Variants in SPTBN1 observed in about 807,000 individuals in gnomAD.
SPTBN1 encodes the protein spectrin beta, non-erythrocytic 1, also known as spectrin beta chain, non-erythrocytic 1.
In SPTBN1, 32 loss-of-function variants were observed where a neutral mutation model predicts 266.4. The observed-to-expected ratio is 0.12, with a 90% CI of 0.09 to 0.16. The LOEUF is 0.16. Ranked by LOEUF, SPTBN1 falls within the 10% of genes least tolerant of loss-of-function variation. SPTBN1 has a pLI of 1.00. For synonymous variants in SPTBN1, 1,336 were observed against 1,162.2 expected, an observed-to-expected ratio of 1.15 and a Z score of -3.04; for missense variants, 2,296 against 3,067.1, an observed-to-expected ratio of 0.75 and a Z score of 5.94.
intron 2 of SPTBN1, among the ~76,000 whole-genome samples, chr2:54,553,255 G>T (rs1351364161): frequency 6.6e-6 from 1 of 152,176 alleles, no homozygotes; most frequent in Non-Finnish European, 1.5e-5. Context: ...GGGAGTGGGA[G>T]GCTCTTTGGG....
intron 1 of SPTBN1, among the ~76,000 whole-genome samples, chr2:54,517,444 TAATC>T (rs1670171170): frequency 6.6e-6 from 1 of 150,452 alleles, no homozygotes; most frequent in Non-Finnish European, 1.5e-5. Flanking sequence ...GAAAATCTGA[TAATC>T]ATAGTGGGAA....
chr2:54,459,401 C>T (rs1427786552), intron 1 of SPTBN1, among the ~76,000 whole-genome samples: 1 of 152,176 alleles, frequency 6.6e-6, no homozygotes. Context: ...GCAGAGTTTC[C>T]TGGAAGGGTT....
rs67239523 is a variant in SPTBN1, at chr2:54,571,576, TACAC to T, written c.149-27494_149-27491del. Among the ~76,000 whole-genome samples, 499 of 100,528 alleles carry T rather than the reference TACAC, an allele frequency of 5.0e-3. 1 individual carries two copies. Among genetic ancestry groups the T allele is most frequent in the South Asian group, 6.7e-3 (24 of 3,582 alleles). The allele number at this position is 100,528 out of a possible 152,430, so 66.0% of individuals were successfully genotyped here. ...ACACACACACACACACACACACACA[TACAC>T]ACACACACACACACACACACATATC... On this transcript the variant is annotated intron_variant, in intron 2 of 35. Transcript: ENST00000356805.
chr2:54,574,552 T>C (rs984641944), intron 2 of SPTBN1, among the ~76,000 whole-genome samples: 1 of 152,186 alleles, frequency 6.6e-6, no homozygotes, highest in African/African-American at 2.4e-5. Context: ...TCCTCCTGCC[T>C]TTGGAGGTCA....
intron 4 of SPTBN1, among the ~76,000 whole-genome samples, chr2:54,614,374 C>A (rs1334681620): frequency 6.6e-6 from 1 of 152,002 alleles, no homozygotes; most frequent in Non-Finnish European, 1.5e-5. Context: ...TTTACAAGTT[C>A]CCAGTGTGTG....
At chr2:54,637,912 C>T (rs1558455905) in intron 18 of SPTBN1, 109 bp downstream of exon 18, 2 of 901,282 alleles carry the variant, frequency 2.2e-6, no homozygotes, top group Non-Finnish European at 3.4e-6. Flanking sequence ...ACCAGAAATC[C>T]ATAGCACCCA....
At chr2:54,657,793 A>G (rs1163105176) in intron 29 of SPTBN1, 57 bp from the exon 30 acceptor site, 8 of 1,608,952 alleles carry the variant, frequency 5.0e-6, no homozygotes, top group Non-Finnish European at 5.9e-6. Context: ...AGGTAAGGCC[A>G]TATGACTGCC....
intron 2 of SPTBN1, among the ~76,000 whole-genome samples, chr2:54,532,229 C>A (rs1451856225): frequency 3.3e-5 from 5 of 152,094 alleles, no homozygotes; most frequent in Non-Finnish European, 5.9e-5. Flanking sequence ...GCGGAGGTTG[C>A]AGTGAGCCGA....
intron 1 of SPTBN1, among the ~76,000 whole-genome samples, chr2:54,471,909 A>G (rs914542396): frequency 2.8e-5 from 4 of 140,868 alleles, no homozygotes; most frequent in Non-Finnish European, 4.5e-5. Flanking sequence ...TTACTGGACT[A>G]ATTATTAGCA....
chr2:54,511,899 A>G (rs893011519), intron 1 of SPTBN1, among the ~76,000 whole-genome samples: 1 of 151,924 alleles, frequency 6.6e-6, no homozygotes, highest in South Asian at 2.1e-4. Flanking sequence ...TAATTCTACA[A>G]CTCACCATGA....
At chr2:54,618,592 T>G (rs1166501216) in intron 7 of SPTBN1, among the ~76,000 whole-genome samples, 1 of 152,238 alleles carries the variant, frequency 6.6e-6, no homozygotes, top group Non-Finnish European at 1.5e-5. Context: ...TTGAAGGTTC[T>G]TAGCAGCTGT....
intron 1 of SPTBN1, among the ~76,000 whole-genome samples, chr2:54,519,729 G>A (rs577245976): frequency 1.5e-4 from 23 of 152,186 alleles, no homozygotes; most frequent in African/African-American, 5.5e-4. Flanking sequence ...ATTTTAGCAC[G>A]GTCCCTCTGG....
At chr2:54,482,974 G>A (rs370312526) in intron 1 of SPTBN1, among the ~76,000 whole-genome samples, 3 of 152,184 alleles carry the variant, frequency 2.0e-5, no homozygotes, top group Non-Finnish European at 4.4e-5. Context: ...GAAAGGCCCC[G>A]TTTAAAGCAG....
At position 54,670,497 on chromosome 2, in the gene SPTBN1, C is replaced by T; in HGVS notation, c.*1928C>T. ...TACCTCTAGGCAAACTGAGACCTCA[C>T]CATCCTCTCCCCTGCTTCCCACGAC... is the stretch of plus-strand genomic sequence containing the variant. On this transcript the variant is annotated 3_prime_UTR_variant, in exon 36 of 36. Coordinates refer to ENST00000356805, the MANE Select transcript of SPTBN1 (RefSeq NM_003128.3). 2 of 393,032 alleles carry T rather than the reference C, an allele frequency of 5.1e-6. No homozygotes were observed. Among genetic ancestry groups the T allele is most frequent in the Admixed American group, 8.9e-5 (2 of 22,588 alleles). 24.3% of individuals were successfully genotyped at this position (393,032 alleles called of 1,614,324 possible). A position where few individuals can be genotyped will look rare whatever the true frequency, so the allele number is the denominator to read the frequency against.
intron 2 of SPTBN1, among the ~76,000 whole-genome samples, chr2:54,537,899 G>A (rs1671704092): frequency 6.6e-6 from 1 of 152,210 alleles, no homozygotes; most frequent in Non-Finnish European, 1.5e-5. Context: ...TTACTCAAAT[G>A]TCTAGAGCAG....
Position 54,558,798 on chromosome 2 carries a change from C to A in SPTBN1, c.148+32232C>A. ...GGCATAATGGAATTGCAGAGGACGT[C>A]TAGTATCTCCGGGCCGCTGTCGCCG... On this transcript the variant is annotated intron_variant, in intron 2 of 35. Coordinates refer to ENST00000356805, the MANE Select transcript of SPTBN1 (RefSeq NM_003128.3). This position sits in a 1 kb window ranked among gnomAD's most constrained non-coding sequence, Gnocchi z 4.6. 6.2e-7 allele frequency: 1 copy of A among 1,613,730 alleles called. No individual in the cohort carries two copies. The highest frequency in any genetic ancestry group is 8.5e-7 in the Non-Finnish European group (1 of 1,179,784).
At chr2:54,508,168 G>T (rs1471752958) in intron 1 of SPTBN1, among the ~76,000 whole-genome samples, 1 of 152,066 alleles carries the variant, frequency 6.6e-6, no homozygotes, top group East Asian at 1.9e-4. Context: ...AGTAAAGGCC[G>T]GTCCGTTATC....
At chr2:54,667,961 C>T (rs560962832) in intron 35 of SPTBN1, among the ~76,000 whole-genome samples, 43 of 152,322 alleles carry the variant, frequency 2.8e-4, no homozygotes, top group Middle Eastern at 3.4e-3. Context: ...CTGCACCCTT[C>T]GCCAGCAGCC....
chr2:54,466,324 A>G (rs559452436), intron 1 of SPTBN1, among the ~76,000 whole-genome samples: 1 of 152,318 alleles, frequency 6.6e-6, no homozygotes, highest in South Asian at 2.1e-4. Flanking sequence ...GTATTTTCAA[A>G]GTGTAATTTG....
Sources: gnomAD v4.1 joint callset for allele counts (sites outside exome capture counted in the v4.1 genomes callset) on GRCh38, gnomAD v4.1.1 for gene constraint, Gnocchi (gnomAD v3.1) non-coding constraint, MANE v1.5 for transcripts, NCBI Gene and HGNC (gene_info 2026-07-23, HGNC 2026-07-21) for gene names.